E2F3: variants seen among roughly 807,000 people sequenced by gnomAD.
The protein encoded by E2F3 is E2F transcription factor 3.
Under a neutral mutation model 44.4 loss-of-function variants are expected in E2F3, and 11 were observed. The ratio of observed to expected loss-of-function variants is 0.25; its 90% CI spans 0.16 to 0.41. E2F3 has a LOEUF of 0.41. Ranked by LOEUF, E2F3 falls within the 10% of genes least tolerant of loss-of-function variation. The pLI is 1.00. For synonymous variants in E2F3, 249 were observed against 253.0 expected (o/e 0.98, Z 0.15); for missense variants, 487 against 583.6 (o/e 0.83, Z 1.70).
At chr6:20,404,071 A>AT (rs1759408044) in intron 1 of E2F3, among the ~76,000 whole-genome samples, 2 of 149,758 alleles carry the variant, frequency 1.3e-5, no homozygotes, top group Non-Finnish European at 3.0e-5. Context: ...GTTTACGTGG[A>AT]TTTTTTTTCT....
intron 1 of E2F3, among the ~76,000 whole-genome samples, chr6:20,414,309 C>G (rs188569167): frequency 3.9e-5 from 6 of 152,276 alleles, no homozygotes; most frequent in Admixed American, 3.9e-4. Flanking sequence ...TTATTACATG[C>G]TTTACCCCGT....
intron 1 of E2F3, among the ~76,000 whole-genome samples, chr6:20,467,570 G>T (rs538372402): frequency 6.6e-6 from 1 of 152,180 alleles, no homozygotes; most frequent in East Asian, 1.9e-4. Context: ...AGTCCTTAGG[G>T]GTGCTTTCTG....
intron 1 of E2F3, among the ~76,000 whole-genome samples, chr6:20,465,098 C>T (rs1467899729): frequency 6.6e-6 from 1 of 152,188 alleles, no homozygotes; most frequent in Non-Finnish European, 1.5e-5. Flanking sequence ...GTGCTTAAGG[C>T]TCCCATATCG....
intron 1 of E2F3, among the ~76,000 whole-genome samples, chr6:20,463,147 T>C (rs2127608660): frequency 6.6e-6 from 1 of 152,230 alleles, no homozygotes; most frequent in East Asian, 1.9e-4. Flanking sequence ...CTTGAACTCC[T>C]GGTCTCAAGT....
chr6:20,442,826 C>T (rs963980395), intron 1 of E2F3, among the ~76,000 whole-genome samples: 2 of 151,900 alleles, frequency 1.3e-5, no homozygotes, highest in South Asian at 2.1e-4. Context: ...AAAAATTGGC[C>T]GGGCATGGTG....
At chr6:20,424,716 T>C (rs1401281233) in intron 1 of E2F3, among the ~76,000 whole-genome samples, 1 of 152,130 alleles carries the variant, frequency 6.6e-6, no homozygotes, top group African/African-American at 2.4e-5. Context: ...TCTGCACTTA[T>C]TAGATAGTCT....
intron 1 of E2F3, among the ~76,000 whole-genome samples, chr6:20,429,826 T>G (rs930413639): frequency 6.6e-6 from 1 of 152,144 alleles, no homozygotes; most frequent in African/African-American, 2.4e-5. Flanking sequence ...TAATTGCTCT[T>G]TTTTATGCAA....
chr6:20,478,547 G>A lies in E2F3; in HGVS notation c.394-1299G>A, dbSNP rs542356943. Among the ~76,000 whole-genome samples the A allele has an allele frequency of 2.4e-3, 367 of 152,312 alleles. 3 individuals are homozygous for A. Among genetic ancestry groups the A allele is most frequent in the Non-Finnish European group, 3.2e-3 (216 of 68,014 alleles). On this transcript the variant is annotated intron_variant, in intron 1 of 6. Transcript: ENST00000346618. ...CTCTCGGCTGGGTACAGTGGCTCAC[G>A]CCTGTAATCCCATCACTTTGGGAGG... is the stretch of plus-strand genomic sequence containing the variant.
chr6:20,460,794 G>A (rs547111524), intron 1 of E2F3, among the ~76,000 whole-genome samples: 13 of 151,864 alleles, frequency 8.6e-5, no homozygotes, highest in East Asian at 2.0e-4. Context: ...TCAGGAGTTC[G>A]AGACCAGCCT....
intron 1 of E2F3, among the ~76,000 whole-genome samples, chr6:20,455,569 T>C (rs868343901): frequency 1.3e-5 from 2 of 152,360 alleles, no homozygotes; most frequent in South Asian, 4.1e-4. Flanking sequence ...GTTTTATTTA[T>C]TGACACTGCT....
intron 1 of E2F3, among the ~76,000 whole-genome samples, chr6:20,468,204 C>A (rs1377826011): frequency 6.6e-6 from 1 of 152,220 alleles, no homozygotes; most frequent in Non-Finnish European, 1.5e-5. Context: ...AGTGTCACAT[C>A]ACACAGATTG....
At chr6:20,476,215 C>T (rs180877112) in intron 1 of E2F3, among the ~76,000 whole-genome samples, 46 of 152,140 alleles carry the variant, frequency 3.0e-4, no homozygotes, top group African/African-American at 9.1e-4. Context: ...ACTAAAACTA[C>T]AAAAAATTAG....
In E2F3 at chr6:20,421,122, C is replaced by T. The variant is rs57872186; in HGVS notation, c.393+18497C>T. ...TTGTAGCAGTTCAATCACCTATTAA[C>T]GCTCCATTTTCATTCTAGTTCTCTT... On this transcript the variant is annotated intron_variant, in intron 1 of 6. Transcript: ENST00000346618. Among the ~76,000 whole-genome samples, 1,116 of 152,324 alleles carry T rather than the reference C, an allele frequency of 7.3e-3. 12 individuals carry two copies. Among genetic ancestry groups the T allele is most frequent in the African/African-American group, 0.025 (1,028 of 41,566 alleles).
At chr6:20,484,598 G>C (rs1212293729) in intron 4 of E2F3, among the ~76,000 whole-genome samples, 1 of 152,140 alleles carries the variant, frequency 6.6e-6, no homozygotes, top group Non-Finnish European at 1.5e-5. Context: ...TTCTTTGATG[G>C]GTTATGTAGT....
chr6:20,457,633 A>G (rs1241611227), intron 1 of E2F3, among the ~76,000 whole-genome samples: 1 of 152,200 alleles, frequency 6.6e-6, no homozygotes, highest in Non-Finnish European at 1.5e-5. Context: ...AAACTGTCAG[A>G]GTGGTCCCCT....
At chr6:20,444,848 A>G (rs1330624232) in intron 1 of E2F3, among the ~76,000 whole-genome samples, 1 of 152,260 alleles carries the variant, frequency 6.6e-6, no homozygotes, top group African/African-American at 2.4e-5. Flanking sequence ...CCCCTGAGTC[A>G]TGAATGGGTG....
chr6:20,458,130 C>A (rs1425776847), intron 1 of E2F3, among the ~76,000 whole-genome samples: 1 of 152,068 alleles, frequency 6.6e-6, no homozygotes, highest in African/African-American at 2.4e-5. Context: ...TAGAAAAAGG[C>A]TAACTAAGAC....
intron 1 of E2F3, among the ~76,000 whole-genome samples, chr6:20,416,686 C>G (rs939600617): frequency 6.6e-6 from 1 of 152,150 alleles, no homozygotes; most frequent in Admixed American, 6.5e-5. Flanking sequence ...TCCAATGCAC[C>G]AAGTTTGTGT....
In E2F3 at chr6:20,462,185, T is replaced by C. The variant is rs534302863; in HGVS notation, c.394-17661T>C. On this transcript the variant is annotated intron_variant, in intron 1 of 6. Transcript: ENST00000346618. ...CCATTGTTTTACTGTGGCCTTTTGT[T>C]GACAGATAGCACGTGTGATTTGTGC... 1.9e-3 allele frequency among the ~76,000 whole-genome samples: 289 copies of C among 152,348 alleles called. 2 individuals are homozygous for C. The highest frequency in any genetic ancestry group is 0.014 in the Middle Eastern group (4 of 294).
Sources: gnomAD v4.1 joint callset for allele counts (sites outside exome capture counted in the v4.1 genomes callset) on GRCh38, gnomAD v4.1.1 for gene constraint, MANE v1.5 for transcripts, NCBI Gene and HGNC (gene_info 2026-07-23, HGNC 2026-07-21) for gene names.